Variants in SLC9A7 observed in about 807,000 individuals in gnomAD.
SLC9A7 encodes solute carrier family 9 member A7.
Under a neutral mutation model 52.6 loss-of-function variants are expected in SLC9A7, and 19 were observed. The ratio of observed to expected loss-of-function variants is 0.36; its 90% CI spans 0.25 to 0.53. The LOEUF (loss-of-function observed/expected upper bound fraction) is 0.53, where lower values mean the gene tolerates loss of function less well. SLC9A7 is among the 20% of genes least tolerant of loss of function. The probability of loss-of-function intolerance (pLI) is 0.91; values close to 1 mark genes in which losing one functional copy is unlikely to be tolerated. For missense variants in SLC9A7, 455 were observed against 597.9 expected (o/e 0.76, Z 2.49); for synonymous variants, 226 against 252.1 (o/e 0.90, Z 0.98).
intron 1 of SLC9A7, among the ~76,000 whole-genome samples, chrX:46,733,591 A>C (rs1298058116): frequency 8.9e-6 from 1 of 112,038 alleles, no homozygotes; most frequent in Non-Finnish European, 1.9e-5. Flanking sequence ...TACATATTTT[A>C]TGATACTAGC....
Position 46,669,603 on chromosome X carries a change from A to AT in SLC9A7, c.793+3dup. On this transcript the variant is annotated splice_donor_region_variant and intron_variant, in intron 5 of 16. Coordinates refer to ENST00000616978, the MANE Select transcript of SLC9A7 (RefSeq NM_001257291.2). ...AATAAAGACAAATACACAAAGCCAA[A>AT]TACCTGGGTCAGTGGCAGAGATGAT... 1 of 1,061,531 alleles carries AT rather than the reference A, an allele frequency of 9.4e-7. No individual in the cohort carries two copies. Among genetic ancestry groups the AT allele is most frequent in the Non-Finnish European group, 1.3e-6 (1 of 779,655 alleles). The allele number at this position is 1,061,531 out of a possible 1,213,427, so 87.5% of individuals were successfully genotyped here.
intron 5 of SLC9A7, among the ~76,000 whole-genome samples, chrX:46,664,568 C>G (rs2146823123): frequency 9.0e-6 from 1 of 111,047 alleles, no homozygotes; most frequent in Admixed American, 9.6e-5. Flanking sequence ...AGAAATAGAA[C>G]TTTGTCAGTC....
At chrX:46,693,102 C>A (rs1430510944) in intron 1 of SLC9A7, among the ~76,000 whole-genome samples, 3 of 111,893 alleles carry the variant, frequency 2.7e-5, no homozygotes, top group African/African-American at 9.7e-5. Flanking sequence ...AATGAAATGA[C>A]CCAAATAAAT....
rs1433624588 is a variant in SLC9A7 at position 46,682,420 on chromosome X, G to A, written c.441C>T (p.Ser147=). ...TCAGAGTGTATTCGAAGAACTTTCC[G>A]CTGACATTCACTAATAAGGTACTGA... is the stretch of plus-strand genomic sequence containing the variant. ...RAFSTLLVNV[S]GKFFEYTLKG... The change falls in exon 2 of 17, where the codon AGC becomes AGT. Residue 147 remains serine (S), a synonymous_variant. Coordinates refer to ENST00000616978, the MANE Select transcript of SLC9A7 (RefSeq NM_001257291.2). 14 of 1,208,924 alleles carry A rather than the reference G, an allele frequency of 1.2e-5. No homozygotes were observed. The highest frequency in any genetic ancestry group is 2.2e-5 in the Admixed American group (1 of 45,644).
At chrX:46,612,374 T>C (rs1426463319) in intron 16 of SLC9A7, among the ~76,000 whole-genome samples, 1 of 111,712 alleles carries the variant, frequency 9.0e-6, no homozygotes, top group Non-Finnish European at 1.9e-5. Context: ...CTCTCTGCCC[T>C]GTACCCTGCA....
In SLC9A7 at chrX:46,669,712, T is replaced by C. The variant is rs768995490; in HGVS notation, c.688A>G (p.Met230Val). 10 of 1,098,819 alleles carry C rather than the reference T, an allele frequency of 9.1e-6. No individual in the cohort carries two copies. The highest frequency in any genetic ancestry group is 1.2e-5 in the Non-Finnish European group (10 of 813,724). The allele number at this position is 1,098,819 out of a possible 1,213,427, so 90.6% of individuals were successfully genotyped here. A position where few individuals can be genotyped will look rare whatever the true frequency, so the allele number is the denominator to read the frequency against. ...TTCATGAGCTTCACCACACCATACA[T>C]GAGATTTCTGTAAGAAGGTAAGGTA... ...AVSCFIIGNL[M>V]YGVVKLMKIM... The change falls in exon 5 of 17, where the codon ATG (methionine) becomes GTG (valine). Residue 230 changes from methionine to valine, a missense_variant. Met to Val is a conservative substitution (Grantham distance 21). Around this residue, in one of 3 missense-constraint regions of SLC9A7, gnomAD observed 304 missense variants for 417.8 expected, o/e 0.73. Transcript: ENST00000616978.
At chrX:46,665,213 G>C in intron 5 of SLC9A7, among the ~76,000 whole-genome samples, 1 of 111,016 alleles carries the variant, frequency 9.0e-6, no homozygotes, top group Non-Finnish European at 1.9e-5. Flanking sequence ...ATTTCCAACT[G>C]AACACAGACT....
chrX:46,650,851 A>G (rs1461553109), intron 10 of SLC9A7, among the ~76,000 whole-genome samples: 1 of 111,689 alleles, frequency 9.0e-6, no homozygotes, highest in Non-Finnish European at 1.9e-5. Context: ...ATGATCTTGG[A>G]ATACATGCAG....
In SLC9A7 at chrX:46,682,371, T is replaced by C; in HGVS notation, c.490A>G (p.Ile164Val). 2 of 1,211,829 alleles carry C rather than the reference T, an allele frequency of 1.7e-6. No homozygotes were observed. The highest frequency in any genetic ancestry group is 3.5e-5 in the African/African-American group (2 of 57,800). Residue 164 changes from isoleucine to valine, a missense_variant, in exon 2 of 17, where the codon ATC (isoleucine) becomes GTC (valine). Ile to Val is a conservative substitution (Grantham distance 29). This residue lies in a region of SLC9A7 where 304 missense variants were observed against 417.8 expected (regional missense o/e 0.73). Coordinates refer to ENST00000616978, the MANE Select transcript of SLC9A7 (RefSeq NM_001257291.2). Reference protein sequence around the residue: ...TLKGEISPGKINSVEQNDMLR... With the variant: ...TLKGEISPGKVNSVEQNDMLR... ...ATATCATTCTGCTCTACGCTGTTGA[T>C]CTTGCCAGGACTGATTTCTCCTTTC...
intron 1 of SLC9A7, chrX:46,685,786 C>T (rs1473193994): frequency 1.8e-5 from 2 of 112,018 alleles, no homozygotes; most frequent in Non-Finnish European, 3.8e-5. Context: ...TCTAGCCCTT[C>T]AACACTCATC....
intron 3 of SLC9A7, among the ~76,000 whole-genome samples, chrX:46,678,346 A>T (rs1479806843): frequency 9.0e-6 from 1 of 111,567 alleles, no homozygotes; most frequent in African/African-American, 3.3e-5. Flanking sequence ...ATTTTCAGAC[A>T]ATATTACCAC....
chrX:46,663,609 G>A (rs1943865347), intron 5 of SLC9A7, among the ~76,000 whole-genome samples: 1 of 87,835 alleles, frequency 1.1e-5, no homozygotes, highest in African/African-American at 4.3e-5. Flanking sequence ...TTGCACTCCA[G>A]CCTGGGCAAC....
In SLC9A7 at chrX:46,607,024, G is replaced by A; in HGVS notation, c.2109C>T (p.Asp703=). The A allele has an allele frequency of 8.3e-7, 1 of 1,211,407 alleles. No homozygotes were observed. Among genetic ancestry groups the A allele is most frequent in the Non-Finnish European group, 1.1e-6 (1 of 895,404 alleles). The change falls in exon 17 of 17, where the codon GAC becomes GAT. Residue 703 remains aspartate, a synonymous_variant. Coordinates refer to ENST00000616978, the MANE Select transcript of SLC9A7 (RefSeq NM_001257291.2). The stretch of plus-strand genomic sequence containing the variant: ...AAACCTTCTGGTCTCCCATTCCCAG[G>A]TCTCGCTCCAGCACTTCCTCCGAGC... The part of the protein sequence containing the change: ...KSSSEEVLER[D]LGMGDQKVSS...
intron 7 of SLC9A7, among the ~76,000 whole-genome samples, chrX:46,654,680 G>A (rs191945497): frequency 8.0e-4 from 88 of 110,358 alleles, no homozygotes; most frequent in African/African-American, 2.8e-3. Context: ...GGAAGGCACA[G>A]GAAAGAAAGA....
In SLC9A7 at chrX:46,607,089, C is replaced by A; in HGVS notation, c.2044G>T (p.Ala682Ser). Residue 682 changes from alanine (A) to serine (S), a missense_variant, in exon 17 of 17, where the codon GCC becomes TCC. Around this residue, in one of 3 missense-constraint regions of SLC9A7, gnomAD observed 146 missense variants for 160.5 expected, o/e 0.91. Coordinates refer to ENST00000616978, the MANE Select transcript of SLC9A7 (RefSeq NM_001257291.2). ...CGGCTGCCCTCCAGACTCGTGGAGG[C>A]GGTGTGCGAACTTGAGGAGCCATTT... is the stretch of plus-strand genomic sequence containing the variant. ...TANGSSSSHT[A>S]STSLEGSRRT... 1.7e-6 allele frequency: 2 copies of A among 1,211,500 alleles called. No homozygotes were observed.
chrX:46,604,123 A>T lies in SLC9A7; in HGVS notation c.*2829T>A, dbSNP rs1942703222. 1 of 112,805 alleles carries T rather than the reference A, an allele frequency of 8.9e-6. No individual in the cohort carries two copies. Among genetic ancestry groups the T allele is most frequent in the East Asian group, 2.8e-4 (1 of 3,590 alleles). 9.3% of individuals were successfully genotyped at this position (112,805 alleles called of 1,213,427 possible). On this transcript the variant is annotated 3_prime_UTR_variant, in exon 17 of 17. Coordinates refer to ENST00000616978, the MANE Select transcript of SLC9A7 (RefSeq NM_001257291.2). ...CTAAGATAACTCTGCTAAATAAAAA[A>T]TCCTGTGCTGGTTCTGGACTCCAGC...
intron 1 of SLC9A7, among the ~76,000 whole-genome samples, chrX:46,737,383 T>A (rs1000914462): frequency 1.8e-5 from 2 of 112,314 alleles, no homozygotes; most frequent in African/African-American, 3.2e-5. Flanking sequence ...TATATGCCAT[T>A]CAACAGTATC....
Position 46,606,637 on chromosome X carries a change from G to A in SLC9A7, c.*315C>T. The A allele has an allele frequency of 1.1e-6, 1 of 947,507 alleles. No homozygotes were observed. The highest frequency in any genetic ancestry group is 1.3e-6 in the Non-Finnish European group (1 of 758,602). 78.1% of individuals were successfully genotyped at this position (947,507 alleles called of 1,213,427 possible). A position where few individuals can be genotyped will look rare whatever the true frequency, so the allele number is the denominator to read the frequency against. On this transcript the variant is annotated 3_prime_UTR_variant, in exon 17 of 17. Transcript: ENST00000616978. ...CCCCACCCAGCACCTGCCTCGCCTTGTTCAGATACTGCAGGTGAATGAATT... is the reference window on the plus strand; with the variant it reads ...CCCCACCCAGCACCTGCCTCGCCTTATTCAGATACTGCAGGTGAATGAATT...
intron 1 of SLC9A7, among the ~76,000 whole-genome samples, chrX:46,741,197 G>A (rs1921327083): frequency 9.0e-6 from 1 of 111,524 alleles, no homozygotes; most frequent in East Asian, 2.8e-4. Context: ...CAGTAATAAT[G>A]TCCATTCTCC....
Sources: gnomAD v4.1 joint callset for allele counts (sites outside exome capture counted in the v4.1 genomes callset) on GRCh38, gnomAD v4.1.1 for gene constraint, gnomAD v4.1.1 regional missense constraint, MANE v1.5 for transcripts, NCBI Gene and HGNC (gene_info 2026-07-23, HGNC 2026-07-21) for gene names.